The following GLIS1 variants were observed in gnomAD, a reference collection of about 807,000 sequenced individuals.
The protein encoded by GLIS1 is GLIS family zinc finger 1.
GLIS1 carries 24 observed loss-of-function variants against 63.8 expected under a neutral mutation model. The observed-to-expected ratio is 0.38, with a 90% CI of 0.27 to 0.53. The LOEUF is 0.53. Ranked by LOEUF, GLIS1 falls within the 20% of genes least tolerant of loss-of-function variation. GLIS1 has a pLI of 0.85. For synonymous variants in GLIS1, 450 were observed against 482.5 expected, an observed-to-expected ratio of 0.93 and a Z score of 0.88; for missense variants, 1,036 against 1,074.1, an observed-to-expected ratio of 0.96 and a Z score of 0.50.
chr1:53,620,340 T>G (rs1261427036), intron 2 of GLIS1, among the ~76,000 whole-genome samples: 1 of 152,142 alleles, frequency 6.6e-6, no homozygotes, highest in East Asian at 1.9e-4. Flanking sequence ...ACCTTGATGC[T>G]CCATCTGGTC....
intron 2 of GLIS1, among the ~76,000 whole-genome samples, chr1:53,666,700 C>A (rs1046767795): frequency 6.6e-6 from 1 of 152,130 alleles, no homozygotes; most frequent in South Asian, 2.1e-4. Context: ...CCCAGACAAG[C>A]CCCTGGATGG....
intron 2 of GLIS1, among the ~76,000 whole-genome samples, chr1:53,701,998 GAA>G (rs919008620): frequency 1.8e-5 from 1 of 56,302 alleles, no homozygotes; most frequent in Non-Finnish European, 4.0e-5. Context: ...ACCTAAAAAA[GAA>G]AAAAAAAAAA....
chr1:53,524,909 T>A, intron 5 of GLIS1, 22 bp from the exon 6 acceptor site: 1 of 1,541,610 alleles, frequency 6.5e-7, no homozygotes, highest in Non-Finnish European at 9.0e-7. Context: ...GGGGCACGGG[T>A]GGGGTGAGTG....
intron 2 of GLIS1, among the ~76,000 whole-genome samples, chr1:53,632,619 G>C (rs1409960817): frequency 6.7e-6 from 1 of 150,028 alleles, no homozygotes; most frequent in African/African-American, 2.5e-5. Context: ...GAGTGTGACG[G>C]AGGGGCATGT....
chr1:53,702,528 G>A (rs917011796), intron 2 of GLIS1, among the ~76,000 whole-genome samples: 17 of 152,170 alleles, frequency 1.1e-4, no homozygotes, highest in African/African-American at 1.2e-4. Flanking sequence ...AGAGAGAGAC[G>A]GCTGACCCAG....
At chr1:53,549,048 A>T (rs1644733657) in intron 4 of GLIS1, among the ~76,000 whole-genome samples, 1 of 152,226 alleles carries the variant, frequency 6.6e-6, no homozygotes, top group African/African-American at 2.4e-5. Context: ...TGTGGTCTTT[A>T]GTGACTGGCT....
At chr1:53,535,512 G>T (rs1213056048) in intron 4 of GLIS1, among the ~76,000 whole-genome samples, 1 of 152,032 alleles carries the variant, frequency 6.6e-6, no homozygotes, top group African/African-American at 2.4e-5. Flanking sequence ...CCTCATGGTG[G>T]ATGGCTGGGT....
At chr1:53,707,582 G>A (rs1342881241) in intron 2 of GLIS1, among the ~76,000 whole-genome samples, 5 of 151,912 alleles carry the variant, frequency 3.3e-5, no homozygotes, top group African/African-American at 9.7e-5. Flanking sequence ...CCTGGGAGGC[G>A]GAGGTTGCAG....
At chr1:53,533,619 C>A (rs532016053) in intron 4 of GLIS1, among the ~76,000 whole-genome samples, 1 of 152,342 alleles carries the variant, frequency 6.6e-6, no homozygotes, top group African/African-American at 2.4e-5. Flanking sequence ...GACGAAGGGG[C>A]ACTGCCCCAT....
chr1:53,594,580 G>C lies in GLIS1; in HGVS notation c.848C>G (p.Pro283Arg), dbSNP rs1223534439. ...VTCVNGLRSP[P>R]LTGDLGGPSK... Reference sequence around the variant, plus strand: ...AGGGCCCCCCAGATCTCCCGTCAGAGGGGGGCTCCGGAGTCCATTTACACA... The same window carrying C: ...AGGGCCCCCCAGATCTCCCGTCAGACGGGGGCTCCGGAGTCCATTTACACA... Residue 283 changes from proline to arginine, a missense_variant, in exon 4 of 11, where the codon CCT (proline) becomes CGT (arginine). Pro to Arg is a moderately radical substitution (Grantham distance 103). Around this residue, in one of 3 missense-constraint regions of GLIS1, gnomAD observed 592 missense variants for 593.9 expected, o/e 1.00. Transcript: ENST00000628545. The C allele has an allele frequency of 2.1e-5, 33 of 1,593,758 alleles. 1 individual carries two copies. In the Admixed American group the frequency reaches 4.4e-4, roughly 21 times the overall value.
intron 4 of GLIS1, among the ~76,000 whole-genome samples, chr1:53,543,004 T>C (rs1644659805): frequency 6.6e-6 from 1 of 152,166 alleles, no homozygotes; most frequent in African/African-American, 2.4e-5. Flanking sequence ...TACGGGCCCC[T>C]TGGTTCAGTG....
At chr1:53,670,522 T>G (rs538540162) in intron 2 of GLIS1, among the ~76,000 whole-genome samples, 11 of 152,364 alleles carry the variant, frequency 7.2e-5, no homozygotes, top group Admixed American at 5.9e-4. Context: ...ATTTATAGTT[T>G]TCACAACTTA....
intron 2 of GLIS1, among the ~76,000 whole-genome samples, chr1:53,686,291 G>T (rs889490359): frequency 2.0e-5 from 3 of 152,270 alleles, no homozygotes; most frequent in Non-Finnish European, 4.4e-5. Flanking sequence ...AAGTCAGACC[G>T]TGGCCCCTTG....
chr1:53,651,165 T>G (rs1459872595), intron 2 of GLIS1, among the ~76,000 whole-genome samples: 1 of 152,246 alleles, frequency 6.6e-6, no homozygotes, highest in Non-Finnish European at 1.5e-5. Flanking sequence ...ATTCCACATA[T>G]GGGCAGAGCG....
chr1:53,670,164 T>C (rs2100392874), intron 2 of GLIS1, among the ~76,000 whole-genome samples: 1 of 152,310 alleles, frequency 6.6e-6, no homozygotes, highest in East Asian at 1.9e-4. Flanking sequence ...TGGCCAAGAA[T>C]GGCTCAGCCA....
chr1:53,738,173 A>C, intron 1 of GLIS1, 67 bp from the exon 2 acceptor site: 1 of 972,732 alleles, frequency 1.0e-6, no homozygotes, highest in Non-Finnish European at 1.3e-6. Context: ...CCCGGGGCCG[A>C]GTTTGAGCAG....
chr1:53,595,553 C>T (rs958815842), intron 3 of GLIS1, among the ~76,000 whole-genome samples: 1 of 152,098 alleles, frequency 6.6e-6, no homozygotes, highest in African/African-American at 2.4e-5. Flanking sequence ...GCTCAGCACC[C>T]CCACCCAGCC....
rs748351485 is a variant in GLIS1, at chr1:53,702,527, C to T, written c.259+35279G>A. Among the ~76,000 whole-genome samples, 56 of 152,284 alleles carry T rather than the reference C, an allele frequency of 3.7e-4. 1 individual carries two copies. Among genetic ancestry groups the T allele is most frequent in the South Asian group, 2.1e-4 (1 of 4,820 alleles). On this transcript the variant is annotated intron_variant, in intron 2 of 10. Transcript: ENST00000628545. Reference sequence around the variant, plus strand: ...ATAGGGCAGGAACAGGAGAGAGAGACGGCTGACCCAGAGCCACCTGGCCAC... The same window carrying T: ...ATAGGGCAGGAACAGGAGAGAGAGATGGCTGACCCAGAGCCACCTGGCCAC...
intron 4 of GLIS1, among the ~76,000 whole-genome samples, chr1:53,557,597 A>C (rs1371689507): frequency 6.6e-6 from 1 of 152,186 alleles, no homozygotes; most frequent in African/African-American, 2.4e-5. Context: ...GCTGGGGAAG[A>C]GCCTGGCCCC....
Sources: gnomAD v4.1 joint callset for allele counts (sites outside exome capture counted in the v4.1 genomes callset) on GRCh38, gnomAD v4.1.1 for gene constraint, gnomAD v4.1.1 regional missense constraint, MANE v1.5 for transcripts, NCBI Gene and HGNC (gene_info 2026-07-23, HGNC 2026-07-21) for gene names.